ALK: variants seen among roughly 807,000 people sequenced by gnomAD.
ALK encodes ALK receptor tyrosine kinase, also known as ALK tyrosine kinase receptor.
Under a neutral mutation model 163.1 loss-of-function variants are expected in ALK, and 74 were observed. The observed-to-expected ratio is 0.45, with a 90% CI of 0.38 to 0.55. The LOEUF (loss-of-function observed/expected upper bound fraction) is 0.55, where lower values mean the gene tolerates loss of function less well. ALK is among the 20% of genes least tolerant of loss of function. The pLI, the probability that ALK is intolerant of heterozygous loss-of-function variation, is 0.00. For missense variants in ALK, 2,063 were observed against 2,105.3 expected, an observed-to-expected ratio of 0.98 and a Z score of 0.39; for synonymous variants, 960 against 843.2, an observed-to-expected ratio of 1.14 and a Z score of -2.40.
intron 1 of ALK, among the ~76,000 whole-genome samples, chr2:29,814,687 T>C (rs1664850100): frequency 6.6e-6 from 1 of 151,118 alleles, no homozygotes; most frequent in African/African-American, 2.4e-5. Context: ...AGACTGTCTC[T>C]AAAAAAGAGT....
At chr2:29,211,974 A>G (rs1338770480) in intron 24 of ALK, among the ~76,000 whole-genome samples, 2 of 152,218 alleles carry the variant, frequency 1.3e-5, no homozygotes, top group Admixed American at 6.5e-5. Flanking sequence ...TGTTAACATC[A>G]TAGCAACAGA....
rs1317231341 is a variant in ALK, at chr2:29,227,297, G to C, written c.2915-223C>G. On this transcript the variant is annotated intron_variant, in intron 17 of 28. Transcript: ENST00000389048. The surrounding 1 kb of genome is among the most constrained non-coding windows in gnomAD (Gnocchi z 4.4). ...TCTATGGATGTTTGCTTTTGAGTCA[G>C]TGGTGGAGAGAAGCCCACGCACATG... Among the ~76,000 whole-genome samples, 7 of 152,242 alleles carry C rather than the reference G, an allele frequency of 4.6e-5. No homozygotes were observed. Among genetic ancestry groups the C allele is most frequent in the Non-Finnish European group, 1.0e-4 (7 of 68,038 alleles).
At chr2:29,265,553 C>G (rs74617983) in intron 11 of ALK, among the ~76,000 whole-genome samples, 6,648 of 152,240 alleles carry the variant, frequency 0.044, 197 homozygotes, top group Non-Finnish European at 0.065. Flanking sequence ...ACACACTAAG[C>G]CTTGTTTTCT....
At position 29,275,385 on chromosome 2, in the gene ALK, G is replaced by A. The variant is rs1256565008; in HGVS notation, c.1912+17C>T. On this transcript the variant is annotated intron_variant, in intron 10 of 28. Transcript: ENST00000389048. ...TGGGGGTTGGGGGACAGAGTGCTGGGGTCAGAGTGAACTCACTGGTGAGGT... is the reference window on the plus strand; with the variant it reads ...TGGGGGTTGGGGGACAGAGTGCTGGAGTCAGAGTGAACTCACTGGTGAGGT... 1 of 1,613,388 alleles carries A rather than the reference G, an allele frequency of 6.2e-7. No homozygotes were observed. The highest frequency in any genetic ancestry group is 8.5e-7 in the Non-Finnish European group (1 of 1,179,500).
chr2:29,542,292 C>G (rs2148167194), intron 3 of ALK, among the ~76,000 whole-genome samples: 1 of 152,142 alleles, frequency 6.6e-6, no homozygotes, highest in Non-Finnish European at 1.5e-5. Context: ...TTTACCATAT[C>G]ACTAACACAT....
intron 5 of ALK, among the ~76,000 whole-genome samples, chr2:29,379,146 C>T (rs1231464885): frequency 2.0e-5 from 3 of 152,152 alleles, no homozygotes; most frequent in Admixed American, 6.5e-5. Context: ...GTTGTCTGCT[C>T]AAGAAAGGTT....
rs864309584 is a variant in ALK, at chr2:29,223,430, C to T, written c.3271G>A (p.Asp1091Asn). The change falls in exon 20 of 29, where the codon GAC becomes AAC. Residue 1091 changes from aspartate (D) to asparagine (N), a missense_variant. By Grantham distance (23) the Asp-to-Asn change is conservative (BLOSUM62 1). Coordinates refer to ENST00000389048, the MANE Select transcript of ALK (RefSeq NM_004304.5). ...SKLRTSTIMT[D>N]YNPNYCFAGK... ...GCAAAGCAGTAGTTGGGGTTGTAGT[C>T]GGTCATGATGGTCGAGGTGCGGAGC... is the stretch of plus-strand genomic sequence containing the variant. 23 of 1,614,034 alleles carry T rather than the reference C, an allele frequency of 1.4e-5. No individual in the cohort carries two copies. Among genetic ancestry groups the T allele is most frequent in the South Asian group, 8.8e-5 (8 of 91,068 alleles).
intron 3 of ALK, among the ~76,000 whole-genome samples, chr2:29,595,051 A>T (rs1675171108): frequency 6.6e-6 from 1 of 152,214 alleles, no homozygotes. Flanking sequence ...GATTAAAAAC[A>T]TCTGAATGAA....
At chr2:29,874,391 T>A (rs1666652852) in intron 1 of ALK, among the ~76,000 whole-genome samples, 1 of 152,112 alleles carries the variant, frequency 6.6e-6, no homozygotes, top group Admixed American at 6.5e-5. Flanking sequence ...CAGTGAAATA[T>A]CAGATAAGCC....
chr2:29,913,210 G>A (rs996710795), intron 1 of ALK, among the ~76,000 whole-genome samples: 1 of 152,084 alleles, frequency 6.6e-6, no homozygotes, highest in African/African-American at 2.4e-5. Context: ...CCCACTTTCT[G>A]GAATATGTAC....
intron 4 of ALK, among the ~76,000 whole-genome samples, chr2:29,476,117 T>C (rs1340933437): frequency 6.6e-6 from 1 of 152,124 alleles, no homozygotes; most frequent in Non-Finnish European, 1.5e-5. Flanking sequence ...ACCACCAGGG[T>C]TTGTTGCTCA....
intron 1 of ALK, among the ~76,000 whole-genome samples, chr2:29,909,557 T>C (rs1334946604): frequency 6.7e-6 from 1 of 149,840 alleles, no homozygotes; most frequent in African/African-American, 2.5e-5. Flanking sequence ...TCTTGAGTCT[T>C]TGGCTAAATA....
At position 29,616,082 on chromosome 2, in the gene ALK, C is replaced by A. The variant is rs115474577; in HGVS notation, c.952+78768G>T. Among the ~76,000 whole-genome samples, 630 of 152,336 alleles carry A rather than the reference C, an allele frequency of 4.1e-3. 7 individuals are homozygous for A. Among genetic ancestry groups the A allele is most frequent in the African/African-American group, 0.013 (545 of 41,580 alleles). On this transcript the variant is annotated intron_variant, in intron 3 of 28. Transcript: ENST00000389048. The stretch of plus-strand genomic sequence containing the variant: ...CCAGACCCTGCTCTGGTGAGGCCGA[C>A]ATCTCTACAGCGGACCTCACGGAGT...
chr2:29,570,509 T>C (rs957950021), intron 3 of ALK, among the ~76,000 whole-genome samples: 4 of 152,164 alleles, frequency 2.6e-5, no homozygotes, highest in African/African-American at 9.7e-5. Context: ...GATTCTGGAT[T>C]GTGAGGGATT....
intron 4 of ALK, among the ~76,000 whole-genome samples, chr2:29,514,619 C>T (rs1213545247): frequency 5.9e-5 from 9 of 152,148 alleles, no homozygotes; most frequent in African/African-American, 2.2e-4. Context: ...TTTCAAAAAA[C>T]TCAACATCTC....
At chr2:29,338,899 C>G (rs1250503132) in intron 5 of ALK, among the ~76,000 whole-genome samples, 1 of 152,196 alleles carries the variant, frequency 6.6e-6, no homozygotes, top group Non-Finnish European at 1.5e-5. Flanking sequence ...GTCTCCATTT[C>G]AATCTTTGAG....
chr2:29,900,842 AAAAG>A (rs1201661713), intron 1 of ALK, among the ~76,000 whole-genome samples: 6 of 152,216 alleles, frequency 3.9e-5, no homozygotes, highest in Admixed American at 3.9e-4. Context: ...AGAACAAGAG[AAAAG>A]AAATCAAGAA....
chr2:29,527,471 G>C (rs531522771), intron 4 of ALK, among the ~76,000 whole-genome samples: 1 of 152,224 alleles, frequency 6.6e-6, no homozygotes, highest in South Asian at 2.1e-4. Context: ...CCACTGTGGA[G>C]ATGAGTCCTG....
chr2:29,285,803 T>A (rs577252978), intron 9 of ALK, among the ~76,000 whole-genome samples: 50 of 152,242 alleles, frequency 3.3e-4, no homozygotes, highest in Non-Finnish European at 6.8e-4. Flanking sequence ...CCTCAAGTGA[T>A]CTGCCTGCCT....
Sources: allele counts gnomAD v4.1 joint callset (sites outside exome capture counted in the v4.1 genomes callset), GRCh38; gene constraint gnomAD v4.1.1; non-coding constraint Gnocchi (gnomAD v3.1); transcripts MANE v1.5; gene names NCBI Gene and HGNC (gene_info 2026-07-23, HGNC 2026-07-21).